CTIF: variants seen among roughly 807,000 people sequenced by gnomAD.
CTIF encodes CBP80/20-dependent translation initiation factor.
In CTIF, 21 loss-of-function variants were observed where a neutral mutation model predicts 66.0. The observed-to-expected ratio is 0.32, with a 90% confidence interval of 0.23 to 0.46. The LOEUF is 0.46. CTIF is among the 20% of genes least tolerant of loss of function. The probability of loss-of-function intolerance (pLI) is 1.00; values close to 1 mark genes in which losing one functional copy is unlikely to be tolerated. For missense variants in CTIF, 739 were observed against 812.7 expected (o/e 0.91, Z 1.10); for synonymous variants, 345 against 326.4 (o/e 1.06, Z -0.62).
chr18:48,682,166 T>C (rs1275379863), intron 6 of CTIF, among the ~76,000 whole-genome samples: 1 of 152,160 alleles, frequency 6.6e-6, no homozygotes. Context: ...TTCCAATGCG[T>C]TAGTTTATTG....
At chr18:48,847,691 A>G (rs1239646853) in intron 10 of CTIF, among the ~76,000 whole-genome samples, 1 of 152,214 alleles carries the variant, frequency 6.6e-6, no homozygotes, top group Non-Finnish European at 1.5e-5. Context: ...GCTCTTTCAC[A>G]TACGTTATTT....
intron 1 of CTIF, among the ~76,000 whole-genome samples, chr18:48,541,597 G>T (rs951348958): frequency 2.0e-5 from 3 of 152,194 alleles, no homozygotes; most frequent in African/African-American, 7.2e-5. Context: ...CCGAACAGAC[G>T]CTAGAGGATG....
intron 3 of CTIF, among the ~76,000 whole-genome samples, chr18:48,640,624 C>T (rs561066523): frequency 1.3e-5 from 2 of 152,346 alleles, no homozygotes; most frequent in African/African-American, 4.8e-5. Context: ...CTCTTGACTG[C>T]CCACGTTGGC....
At chr18:48,544,685 G>A (rs1156351855) in intron 1 of CTIF, among the ~76,000 whole-genome samples, 1 of 152,232 alleles carries the variant, frequency 6.6e-6, no homozygotes, top group Non-Finnish European at 1.5e-5. Flanking sequence ...AATGGTGGAG[G>A]AGGTTTTAGG....
intron 8 of CTIF, chr18:48,760,447 G>T (rs2145880738): frequency 6.6e-6 from 1 of 152,294 alleles, no homozygotes; most frequent in East Asian, 1.9e-4. Context: ...CCCAGAGAGT[G>T]AAATCACTTA....
chr18:48,721,615 C>T (rs756751044), intron 7 of CTIF, among the ~76,000 whole-genome samples: 1 of 152,220 alleles, frequency 6.6e-6, no homozygotes, highest in African/African-American at 2.4e-5. Context: ...GGGCCCTGGA[C>T]AAACCATTCT....
At chr18:48,710,805 C>G (rs1215250797) in intron 6 of CTIF, among the ~76,000 whole-genome samples, 1 of 152,166 alleles carries the variant, frequency 6.6e-6, no homozygotes. Context: ...GACCCCATCT[C>G]TGCAAAAAAT....
At chr18:48,720,747 G>A (rs2092327556) in intron 7 of CTIF, among the ~76,000 whole-genome samples, 1 of 152,164 alleles carries the variant, frequency 6.6e-6, no homozygotes, top group African/African-American at 2.4e-5. Flanking sequence ...CCCAGAGAAA[G>A]CCCCACGCTT....
chr18:48,628,642 A>T (rs888577809), intron 2 of CTIF, among the ~76,000 whole-genome samples: 1 of 152,056 alleles, frequency 6.6e-6, no homozygotes, highest in Non-Finnish European at 1.5e-5. Flanking sequence ...GATGGGGGAA[A>T]CTTCGTCCTG....
intron 6 of CTIF, among the ~76,000 whole-genome samples, chr18:48,681,723 T>C (rs898395248): frequency 6.6e-6 from 1 of 152,136 alleles, no homozygotes; most frequent in Non-Finnish European, 1.5e-5. Flanking sequence ...CCAGTTGCCT[T>C]CAGTGTCCTT....
At chr18:48,742,407 T>A (rs958268662) in intron 7 of CTIF, among the ~76,000 whole-genome samples, 1 of 152,170 alleles carries the variant, frequency 6.6e-6, no homozygotes, top group Non-Finnish European at 1.5e-5. Context: ...CCCTTGTGGA[T>A]GCTCCCCAAA....
At chr18:48,658,521 A>G (rs1339068430) in intron 3 of CTIF, among the ~76,000 whole-genome samples, 1 of 151,774 alleles carries the variant, frequency 6.6e-6, no homozygotes, top group Non-Finnish European at 1.5e-5. Context: ...ATATACATGT[A>G]TGTGTGTGGT....
intron 3 of CTIF, among the ~76,000 whole-genome samples, chr18:48,654,704 G>A (rs1438387689): frequency 6.6e-6 from 1 of 152,236 alleles, no homozygotes; most frequent in African/African-American, 2.4e-5. Context: ...ATTCACAATA[G>A]CAAAGACTTG....
At chr18:48,555,394 CT>C (rs1304077384) in intron 1 of CTIF, among the ~76,000 whole-genome samples, 35 of 152,304 alleles carry the variant, frequency 2.3e-4, no homozygotes, top group African/African-American at 7.0e-4. Context: ...GCCCAGGGAG[CT>C]AAGGTCAAGG....
intron 10 of CTIF, among the ~76,000 whole-genome samples, chr18:48,818,865 G>A (rs979375335): frequency 4.6e-5 from 7 of 152,124 alleles, no homozygotes; most frequent in South Asian, 2.1e-4. Flanking sequence ...GGGTGTCAGC[G>A]GAGGTGAGGA....
intron 7 of CTIF, 101 bp from the exon 8 acceptor site, chr18:48,757,818 T>C: frequency 7.0e-7 from 1 of 1,437,584 alleles, no homozygotes; most frequent in Middle Eastern, 2.2e-4. Flanking sequence ...AGAATGAATA[T>C]ATGGACAAGG....
intron 7 of CTIF, among the ~76,000 whole-genome samples, chr18:48,725,861 C>G (rs939259836): frequency 1.3e-5 from 2 of 152,142 alleles, no homozygotes; most frequent in Non-Finnish European, 2.9e-5. Context: ...GGCAAACCCA[C>G]ATTTTGCCTC....
intron 9 of CTIF, among the ~76,000 whole-genome samples, chr18:48,779,403 G>T (rs932084949): frequency 2.6e-5 from 4 of 152,202 alleles, no homozygotes; most frequent in Non-Finnish European, 5.9e-5. Context: ...GACAGAACTG[G>T]AGCCAAGTCC....
intron 3 of CTIF, among the ~76,000 whole-genome samples, chr18:48,657,340 T>C (rs926965348): frequency 2.0e-5 from 3 of 152,258 alleles, no homozygotes; most frequent in South Asian, 2.1e-4. Context: ...ATTCAGTATA[T>C]ACCAAACATT....
Sources: allele counts gnomAD v4.1 joint callset (sites outside exome capture counted in the v4.1 genomes callset), GRCh38; gene constraint gnomAD v4.1.1; transcripts MANE v1.5; gene names NCBI Gene and HGNC (gene_info 2026-07-23, HGNC 2026-07-21).